Variants in MARK4 observed in about 807,000 individuals in gnomAD.
The protein encoded by MARK4 is MAP/microtubule affinity-regulating kinase 4.
A neutral mutation model predicts 81.5 loss-of-function variants in MARK4; 19 were observed. The ratio of observed to expected loss-of-function variants is 0.23; its 90% CI spans 0.16 to 0.34. The LOEUF (loss-of-function observed/expected upper bound fraction) is 0.34. Ranked by LOEUF, MARK4 falls within the 10% of genes least tolerant of loss-of-function variation. The pLI is 1.00. For synonymous variants in MARK4, 436 were observed against 439.0 expected, an observed-to-expected ratio of 0.99 and a Z score of 0.08; for missense variants, 772 against 1,058.8, an observed-to-expected ratio of 0.73 and a Z score of 3.76.
chr19:45,269,224 A>C (rs1050256909), intron 7 of MARK4, among the ~76,000 whole-genome samples: 1 of 151,960 alleles, frequency 6.6e-6, no homozygotes, highest in Non-Finnish European at 1.5e-5. Flanking sequence ...ACTAAAAATA[A>C]AAAAAATAGC....
At chr19:45,264,369 C>T (rs1161328093) in intron 4 of MARK4, among the ~76,000 whole-genome samples, 2 of 151,850 alleles carry the variant, frequency 1.3e-5, no homozygotes, top group African/African-American at 4.8e-5. Context: ...GATATGGTGG[C>T]GCATGCTTGT....
intron 2 of MARK4, 118 bp downstream of exon 2, chr19:45,259,307 C>G: frequency 9.0e-7 from 1 of 1,115,960 alleles, no homozygotes; most frequent in Non-Finnish European, 1.3e-6. Flanking sequence ...GGTAAGTTCC[C>G]GACTCTCTAT....
Position 45,264,898 on chromosome 19 carries a change from C to G in MARK4, c.480C>G (p.Ala160=). ...HGRMKEKEAR[A]KFRQIVSAVH... is the part of the protein sequence containing the mutation. ...GCATGAAGGAGAAGGAAGCTCGAGC[C>G]AAGTTCCGACAGGTTGGGGCAGGGC... The change falls in exon 6 of 17, where the codon GCC becomes GCG. Residue 160 remains alanine (A), a synonymous_variant. Coordinates refer to ENST00000262891, the MANE Select transcript of MARK4 (RefSeq NM_001199867.2). 1 of 1,614,070 alleles carries G rather than the reference C, an allele frequency of 6.2e-7. No homozygotes were observed. The highest frequency in any genetic ancestry group is 8.5e-7 in the Non-Finnish European group (1 of 1,179,984).
chr19:45,283,473 T>C (rs949964303), intron 12 of MARK4, among the ~76,000 whole-genome samples: 2 of 149,512 alleles, frequency 1.3e-5, no homozygotes, highest in African/African-American at 4.9e-5. Context: ...CAGCTACTAA[T>C]CTACTTTCTA....
intron 9 of MARK4, 63 bp downstream of exon 9, chr19:45,278,105 TG>T (rs1483591404): frequency 1.3e-6 from 2 of 1,592,776 alleles, no homozygotes; most frequent in Non-Finnish European, 1.7e-6. Context: ...AAACTCTGCC[TG>T]CCCCCACCCA....
chr19:45,289,605 A>G (rs752254724), intron 13 of MARK4, among the ~76,000 whole-genome samples: 3 of 151,204 alleles, frequency 2.0e-5, no homozygotes, highest in Admixed American at 2.0e-4. Flanking sequence ...CCCCATTTCT[A>G]CTAAAAATAC....
At chr19:45,261,507 C>G (rs1970380244) in intron 2 of MARK4, among the ~76,000 whole-genome samples, 1 of 152,182 alleles carries the variant, frequency 6.6e-6, no homozygotes, top group South Asian at 2.1e-4. Context: ...TTTAAAAACA[C>G]ATTCGTGAGA....
chr19:45,284,381 G>A (rs912433693), intron 12 of MARK4, among the ~76,000 whole-genome samples: 4 of 150,738 alleles, frequency 2.7e-5, no homozygotes, highest in Non-Finnish European at 5.9e-5. Context: ...GGAGTGCAGT[G>A]GCGCAATCTT....
At chr19:45,277,896 C>T (rs1380578587) in intron 8 of MARK4, 27 bp from the exon 9 acceptor site, 1 of 1,600,786 alleles carries the variant, frequency 6.2e-7, no homozygotes, top group African/African-American at 1.3e-5. Context: ...GGGCAGACCC[C>T]CTCCTCCAGT....
intron 9 of MARK4, 128 bp from the exon 10 acceptor site, chr19:45,278,388 C>T (rs780008526): frequency 8.6e-6 from 7 of 810,892 alleles, no homozygotes; most frequent in Admixed American, 4.0e-5. Context: ...GCCCAGGAGG[C>T]GCTATCTCTT....
intron 7 of MARK4, among the ~76,000 whole-genome samples, chr19:45,268,118 T>C (rs959624855): frequency 6.6e-6 from 1 of 151,824 alleles, no homozygotes; most frequent in Non-Finnish European, 1.5e-5. Flanking sequence ...TTAAAAGCTA[T>C]TATTAGATTC....
rs1033007935 is a variant in MARK4 at position 45,277,930 on chromosome 19, G to A, written c.794G>A (p.Arg265Gln). The A allele has an allele frequency of 6.2e-7, 1 of 1,613,018 alleles. No homozygotes were observed. The highest frequency in any genetic ancestry group is 8.5e-7 in the Non-Finnish European group (1 of 1,179,668). ...GTAACCCCATCCCTGCAGGAGCTGC[G>A]GGAGCGAGTACTCAGAGGGAAGTAC... ...PFDGHNLKEL[R>Q]ERVLRGKYRV... The change falls in exon 9 of 17, where the codon CGG becomes CAG. Residue 265 changes from arginine (R) to glutamine (Q), a missense_variant. Physicochemically the swap from Arg to Gln is conservative, Grantham distance 43. Coordinates refer to ENST00000262891, the MANE Select transcript of MARK4 (RefSeq NM_001199867.2).
rs748497235 is a variant in MARK4 at position 45,302,551 on chromosome 19, C to T, written c.2100C>T (p.His700=). 6.9e-6 allele frequency: 11 copies of T among 1,590,194 alleles called. No individual in the cohort carries two copies. The highest frequency in any genetic ancestry group is 1.7e-4 in the Middle Eastern group (1 of 6,012). The part of the protein sequence containing the change: ...QPQPFLLACL[H]GGAGGPEPLS... ...AGCCGTTCCTGCTGGCCTGCCTGCACGGGGGTGCGGGCGGGCCCGAGCCCC... is the reference window on the plus strand; with the variant it reads ...AGCCGTTCCTGCTGGCCTGCCTGCATGGGGGTGCGGGCGGGCCCGAGCCCC... Residue 700 remains histidine, a synonymous_variant, in exon 17 of 17, where the codon CAC becomes CAT. Coordinates refer to ENST00000262891, the MANE Select transcript of MARK4 (RefSeq NM_001199867.2). The surrounding 1 kb of genome is among the most constrained non-coding windows in gnomAD (Gnocchi z 4.9).
chr19:45,300,440 T>G (rs1488243283), intron 16 of MARK4, among the ~76,000 whole-genome samples: 1 of 146,114 alleles, frequency 6.8e-6, no homozygotes, highest in Non-Finnish European at 1.5e-5. Flanking sequence ...TCTCATCCAG[T>G]CATGGCACAA....
chr19:45,254,318 C>T (rs1970280857), intron 1 of MARK4, among the ~76,000 whole-genome samples: 1 of 152,206 alleles, frequency 6.6e-6, no homozygotes, highest in Non-Finnish European at 1.5e-5. Context: ...CGCAGGGGTC[C>T]CTCAGCCATG....
chr19:45,293,846 G>A (rs979552438), intron 13 of MARK4, among the ~76,000 whole-genome samples: 1 of 152,214 alleles, frequency 6.6e-6, no homozygotes, highest in South Asian at 2.1e-4. Flanking sequence ...GAGGAGGCAC[G>A]TGACTCAGCC....
intron 16 of MARK4, among the ~76,000 whole-genome samples, chr19:45,300,726 CA>C (rs1310076440): frequency 6.6e-6 from 1 of 152,186 alleles, no homozygotes; most frequent in Non-Finnish European, 1.5e-5. Context: ...GCCTTCCCAG[CA>C]GCTGCAACAA....
intron 16 of MARK4, among the ~76,000 whole-genome samples, chr19:45,300,818 G>C (rs1344947276): frequency 6.6e-6 from 1 of 151,936 alleles, no homozygotes; most frequent in Non-Finnish European, 1.5e-5. Flanking sequence ...GAGAGGAGAA[G>C]TACTCTGGTT....
At chr19:45,264,265 GCCGAGGCGGGTGGATGA>G (rs1970420380) in intron 4 of MARK4, among the ~76,000 whole-genome samples, 1 of 151,970 alleles carries the variant, frequency 6.6e-6, no homozygotes, top group African/African-American at 2.4e-5. Context: ...ACTTTGGGAG[GCCGAGGCGGGTGGATGA>G]CCTGAGGTTG....
Sources: gnomAD v4.1 joint callset for allele counts (sites outside exome capture counted in the v4.1 genomes callset) on GRCh38, gnomAD v4.1.1 for gene constraint, Gnocchi (gnomAD v3.1) non-coding constraint, MANE v1.5 for transcripts, NCBI Gene and HGNC (gene_info 2026-07-23, HGNC 2026-07-21) for gene names.